Variants in LAMC1 observed in about 807,000 individuals in gnomAD.
The protein encoded by LAMC1 is laminin subunit gamma 1.
In LAMC1, 38 loss-of-function variants were observed where a neutral mutation model predicts 173.6. The ratio of observed to expected loss-of-function variants is 0.22; its 90% CI spans 0.17 to 0.29. The LOEUF is 0.29. LAMC1 is among the 10% of genes least tolerant of loss of function. The pLI, the probability that LAMC1 is intolerant of heterozygous loss-of-function variation, is 1.00. For missense variants in LAMC1, 1,824 were observed against 2,051.8 expected (o/e 0.89, Z 2.14); for synonymous variants, 746 against 749.1 (o/e 1.00, Z 0.07).
chr1:183,041,827 T>C lies in LAMC1; in HGVS notation c.418+17693T>C, dbSNP rs375335513. On this transcript the variant is annotated intron_variant, in intron 1 of 27. Coordinates refer to ENST00000258341, the MANE Select transcript of LAMC1 (RefSeq NM_002293.4). ...GTACGGCATAATACCTTTTATATGG[T>C]AGTAGGGGTTCAAAAAAGTTTGCTG... Among the ~76,000 whole-genome samples, 34 of 152,194 alleles carry C rather than the reference T, an allele frequency of 2.2e-4. 1 individual carries two copies. Among genetic ancestry groups the C allele is most frequent in the African/African-American group, 8.2e-4 (34 of 41,508 alleles).
At chr1:183,118,353 A>G (rs917027834) in intron 11 of LAMC1, among the ~76,000 whole-genome samples, 1 of 152,182 alleles carries the variant, frequency 6.6e-6, no homozygotes, top group African/African-American at 2.4e-5. Context: ...AGTAAATAGT[A>G]TTATTTACTA....
At chr1:183,079,878 C>T (rs1273903397) in intron 1 of LAMC1, among the ~76,000 whole-genome samples, 3 of 152,178 alleles carry the variant, frequency 2.0e-5, no homozygotes, top group African/African-American at 7.2e-5. Context: ...GTTTTTATTA[C>T]TGTAGTCGTT....
chr1:183,126,598 A>G (rs1656627106), intron 16 of LAMC1, among the ~76,000 whole-genome samples: 1 of 152,232 alleles, frequency 6.6e-6, no homozygotes, highest in Admixed American at 6.5e-5. Context: ...CTTAGTGCAG[A>G]TAATGAAATA....
rs756712921 is a variant in LAMC1 at position 183,118,115 on chromosome 1, T to C, written c.1959T>C (p.Ser653=). 1.2e-6 allele frequency: 2 copies of C among 1,608,170 alleles called. No homozygotes were observed. Among genetic ancestry groups the C allele is most frequent in the Middle Eastern group, 1.7e-4 (1 of 6,054 alleles). Residue 653 remains serine (S), a synonymous_variant, in exon 11 of 28, where the codon TCT becomes TCC. Transcript: ENST00000258341. ...EFQKLLNNLT[S]IKIRGTYSER... ...AGAAGCTCCTAAACAACTTGACCTC[T>C]ATCAAGATACGTGGGACATACAGTG...
chr1:183,102,429 G>T (rs1655859223), intron 1 of LAMC1, among the ~76,000 whole-genome samples: 1 of 152,184 alleles, frequency 6.6e-6, no homozygotes, highest in Non-Finnish European at 1.5e-5. Flanking sequence ...TGACCAAACT[G>T]GGATCTTCAC....
intron 1 of LAMC1, among the ~76,000 whole-genome samples, chr1:183,063,040 G>A (rs1240596278): frequency 2.6e-5 from 4 of 152,214 alleles, no homozygotes; most frequent in Non-Finnish European, 5.9e-5. Context: ...TTTGAGGGCA[G>A]GAAGGGAGTT....
chr1:183,142,999 G>A lies in LAMC1; in HGVS notation c.*209G>A, dbSNP rs1301626239. 1 of 538,094 alleles carries A rather than the reference G, an allele frequency of 1.9e-6. No individual in the cohort carries two copies. Among genetic ancestry groups the A allele is most frequent in the Admixed American group, 3.6e-5 (1 of 28,082 alleles). 33.3% of individuals were successfully genotyped at this position (538,094 alleles called of 1,614,324 possible). A position where few individuals can be genotyped will look rare whatever the true frequency, so the allele number is the denominator to read the frequency against. Reference sequence around the variant, plus strand: ...AACAAAGGGTTTTATCTAATAAAGTGTCTCTTCCATTCACGTTGCTACCTT... The same window carrying A: ...AACAAAGGGTTTTATCTAATAAAGTATCTCTTCCATTCACGTTGCTACCTT... On this transcript the variant is annotated 3_prime_UTR_variant, in exon 28 of 28. Coordinates refer to ENST00000258341, the MANE Select transcript of LAMC1 (RefSeq NM_002293.4).
chr1:183,128,210 C>T (rs183003771), intron 17 of LAMC1, among the ~76,000 whole-genome samples: 12 of 152,166 alleles, frequency 7.9e-5, no homozygotes, highest in African/African-American at 1.7e-4. Flanking sequence ...GGAGGTATCA[C>T]GAAGGTAATC....
chr1:183,132,336 G>C (rs12061219), intron 20 of LAMC1, 64 bp from the exon 21 acceptor site: 2 of 1,145,390 alleles, frequency 1.7e-6, no homozygotes, highest in Admixed American at 4.2e-5. Context: ...AGCATTACCT[G>C]AATTTTACTT....
At chr1:183,058,536 T>A (rs1431548852) in intron 1 of LAMC1, among the ~76,000 whole-genome samples, 3 of 152,236 alleles carry the variant, frequency 2.0e-5, no homozygotes, top group African/African-American at 7.2e-5. Context: ...GAGTCTGGTG[T>A]GTGAAAACAC....
chr1:183,041,153 A>C (rs2102014985), intron 1 of LAMC1, among the ~76,000 whole-genome samples: 1 of 152,326 alleles, frequency 6.6e-6, no homozygotes, highest in South Asian at 2.1e-4. Context: ...ATATTAAGCA[A>C]GTGGGGTGAT....
At chr1:183,088,995 G>T (rs550789363) in intron 1 of LAMC1, among the ~76,000 whole-genome samples, 14 of 152,322 alleles carry the variant, frequency 9.2e-5, no homozygotes, top group African/African-American at 2.6e-4. Context: ...CAGGTAAGCT[G>T]CACAGATTCT....
At chr1:183,111,240 C>T (rs1021790085) in intron 4 of LAMC1, among the ~76,000 whole-genome samples, 1 of 151,994 alleles carries the variant, frequency 6.6e-6, no homozygotes, top group Non-Finnish European at 1.5e-5. Context: ...GTGCATGCCA[C>T]CATGCCCAGC....
At chr1:183,120,300 A>G (rs1438686914) in intron 11 of LAMC1, among the ~76,000 whole-genome samples, 1 of 152,178 alleles carries the variant, frequency 6.6e-6, no homozygotes, top group Non-Finnish European at 1.5e-5. Flanking sequence ...TATAAGGAAA[A>G]GACATGGACT....
intron 1 of LAMC1, among the ~76,000 whole-genome samples, chr1:183,062,519 G>A (rs1654767458): frequency 6.6e-6 from 1 of 152,158 alleles, no homozygotes; most frequent in Non-Finnish European, 1.5e-5. Context: ...GGGCGTGGTG[G>A]GGCGTGCCTG....
chr1:183,091,222 A>G (rs1022160540), intron 1 of LAMC1, among the ~76,000 whole-genome samples: 6 of 152,094 alleles, frequency 3.9e-5, no homozygotes, highest in African/African-American at 1.4e-4. Context: ...TTGTTTTTGT[A>G]TTCTTTGATT....
At chr1:183,134,041 A>G (rs758161699) in intron 22 of LAMC1, among the ~76,000 whole-genome samples, 27 of 152,248 alleles carry the variant, frequency 1.8e-4, no homozygotes, top group Non-Finnish European at 1.5e-4. Flanking sequence ...TGGTTTAATT[A>G]AAAGACTATA....
chr1:183,027,590 C>T (rs1310115390), intron 1 of LAMC1, among the ~76,000 whole-genome samples: 1 of 152,070 alleles, frequency 6.6e-6, no homozygotes, highest in Non-Finnish European at 1.5e-5. Flanking sequence ...TAAAACCAAC[C>T]CAATCAAAGT....
intron 1 of LAMC1, among the ~76,000 whole-genome samples, chr1:183,102,465 G>C (rs985799345): frequency 2.0e-5 from 3 of 152,200 alleles, no homozygotes; most frequent in Admixed American, 6.5e-5. Flanking sequence ...GCAAAGTATA[G>C]ATATTGTTAG....
Sources: allele counts gnomAD v4.1 joint callset (sites outside exome capture counted in the v4.1 genomes callset), GRCh38; gene constraint gnomAD v4.1.1; transcripts MANE v1.5; gene names NCBI Gene and HGNC (gene_info 2026-07-23, HGNC 2026-07-21).